GALNT17: variants seen among roughly 807,000 people sequenced by gnomAD.
GALNT17 encodes polypeptide N-acetylgalactosaminyltransferase 17.
In GALNT17, 29 loss-of-function variants were observed where a neutral mutation model predicts 63.7. The ratio of observed to expected loss-of-function variants is 0.46; its 90% CI spans 0.34 to 0.62. The LOEUF (loss-of-function observed/expected upper bound fraction) is 0.62, where lower values mean the gene tolerates loss of function less well. Among genes scored for constraint, GALNT17 ranks in the 20% least tolerant of loss-of-function variants. The pLI is 0.01. For missense variants in GALNT17, 603 were observed against 799.6 expected, an observed-to-expected ratio of 0.75 and a Z score of 2.97; for synonymous variants, 305 against 318.3, an observed-to-expected ratio of 0.96 and a Z score of 0.45.
At chr7:71,200,350 G>A (rs1448768560) in intron 1 of GALNT17, among the ~76,000 whole-genome samples, 1 of 152,148 alleles carries the variant, frequency 6.6e-6, no homozygotes, top group Non-Finnish European at 1.5e-5. Context: ...CCATTAGAGA[G>A]CACCCATGTA....
chr7:71,546,537 T>G (rs1365021779), intron 5 of GALNT17, among the ~76,000 whole-genome samples: 2 of 152,196 alleles, frequency 1.3e-5, no homozygotes, highest in African/African-American at 4.8e-5. Context: ...GAGTAGATTT[T>G]CTGAATGCAA....
intron 6 of GALNT17, among the ~76,000 whole-genome samples, chr7:71,661,289 T>C (rs1168605908): frequency 6.6e-6 from 1 of 152,182 alleles, no homozygotes; most frequent in East Asian, 1.9e-4. Context: ...ACTGTGGGGT[T>C]ATGAACCACT....
At chr7:71,414,649 C>G (rs1407290118) in intron 3 of GALNT17, among the ~76,000 whole-genome samples, 1 of 152,204 alleles carries the variant, frequency 6.6e-6, no homozygotes, top group Non-Finnish European at 1.5e-5. Flanking sequence ...AGCTGACATC[C>G]TGTTCCTGGG....
At chr7:71,627,028 G>A (rs1274651970) in intron 6 of GALNT17, among the ~76,000 whole-genome samples, 1 of 152,176 alleles carries the variant, frequency 6.6e-6, no homozygotes, top group African/African-American at 2.4e-5. Context: ...CATGAATTAA[G>A]AAAACCTCAG....
chr7:71,549,104 A>G (rs934625238), intron 5 of GALNT17, among the ~76,000 whole-genome samples: 5 of 152,162 alleles, frequency 3.3e-5, no homozygotes, highest in African/African-American at 1.2e-4. Context: ...TCAGGAGGGA[A>G]GGGATGATAG....
chr7:71,144,395 C>T (rs1787976348), intron 1 of GALNT17, among the ~76,000 whole-genome samples: 1 of 152,126 alleles, frequency 6.6e-6, no homozygotes, highest in African/African-American at 2.4e-5. Flanking sequence ...TCAGCATGTC[C>T]AGAACCTGAT....
chr7:71,218,772 T>C lies in GALNT17; in HGVS notation c.238+85732T>C, dbSNP rs1253921654. 3.3e-5 allele frequency among the ~76,000 whole-genome samples: 5 copies of C among 152,036 alleles called. No homozygotes were observed. In the East Asian group the frequency reaches 9.6e-4, roughly 29 times the overall value. ...TTGTGAACTGTGCATGTGAGGGATC[T>C]AGGATGAGTGCTTCTTATGAGAATC... On this transcript the variant is annotated intron_variant, in intron 1 of 10. Transcript: ENST00000333538.
intron 1 of GALNT17, among the ~76,000 whole-genome samples, chr7:71,316,089 T>C (rs1791493402): frequency 6.6e-6 from 1 of 152,046 alleles, no homozygotes; most frequent in Non-Finnish European, 1.5e-5. Context: ...GTGCAACAGC[T>C]GGGGCCTCTG....
intron 1 of GALNT17, among the ~76,000 whole-genome samples, chr7:71,316,084 AC>A (rs2115970205): frequency 1.3e-5 from 2 of 152,210 alleles, no homozygotes; most frequent in East Asian, 3.9e-4. Context: ...GTCCAGTGCA[AC>A]AGCTGGGGCC....
At chr7:71,361,068 A>G (rs1367976926) in intron 2 of GALNT17, among the ~76,000 whole-genome samples, 4 of 152,228 alleles carry the variant, frequency 2.6e-5, no homozygotes, top group South Asian at 2.1e-4. Context: ...TTGAATAAAT[A>G]TGTAACTGAA....
chr7:71,713,231 TG>T lies in GALNT17; in HGVS notation c.*1087del. On this transcript the variant is annotated 3_prime_UTR_variant, in exon 11 of 11. Transcript: ENST00000333538. The stretch of plus-strand genomic sequence containing the variant: ...GTGGCAGGGTGTGTGTGTGTGTGTC[TG>T]GCTGTGCGTTCCGGAGTGTGTGACG... 2 of 153,306 alleles carry T rather than the reference TG, an allele frequency of 1.3e-5. No homozygotes were observed. Among genetic ancestry groups the T allele is most frequent in the Admixed American group, 1.3e-4 (2 of 15,308 alleles). 9.5% of individuals were successfully genotyped at this position (153,306 alleles called of 1,614,324 possible).
intron 5 of GALNT17, among the ~76,000 whole-genome samples, chr7:71,560,108 C>T (rs546018988): frequency 6.3e-5 from 9 of 143,214 alleles, no homozygotes; most frequent in Non-Finnish European, 4.5e-5. Context: ...GCAGGAGAAT[C>T]GCTTGAATCC....
At chr7:71,497,518 C>A (rs545114222) in intron 5 of GALNT17, among the ~76,000 whole-genome samples, 2 of 152,208 alleles carry the variant, frequency 1.3e-5, no homozygotes, top group East Asian at 3.9e-4. Context: ...ACTCTAATAC[C>A]CTCATTTTAA....
At chr7:71,621,552 T>TTG (rs1562713280) in intron 6 of GALNT17, among the ~76,000 whole-genome samples, 7 of 109,454 alleles carry the variant, frequency 6.4e-5, no homozygotes, top group Non-Finnish European at 1.2e-4. Context: ...GATTGATGGA[T>TTG]AGATGGATGG....
intron 5 of GALNT17, among the ~76,000 whole-genome samples, chr7:71,544,124 CTTTTTTTTTTTTTTTTT>C (rs60144462): frequency 8.3e-5 from 11 of 132,424 alleles, no homozygotes; most frequent in African/African-American, 2.9e-4. Flanking sequence ...TTTCTTTTTT[CTTTTTTTTTTTTTTTTT>C]TTTTTTGAGA....
intron 2 of GALNT17, among the ~76,000 whole-genome samples, chr7:71,350,573 C>G (rs139607538): frequency 1.2e-3 from 188 of 152,192 alleles, no homozygotes; most frequent in African/African-American, 4.4e-3. Flanking sequence ...AGTATAATGA[C>G]TATTTGCATA....
intron 4 of GALNT17, among the ~76,000 whole-genome samples, chr7:71,419,981 G>A (rs924547140): frequency 6.6e-6 from 1 of 152,192 alleles, no homozygotes; most frequent in Non-Finnish European, 1.5e-5. Context: ...TCGACTGTGT[G>A]TTCTCATTAT....
At chr7:71,625,583 G>A (rs1338822744) in intron 6 of GALNT17, among the ~76,000 whole-genome samples, 3 of 152,146 alleles carry the variant, frequency 2.0e-5, no homozygotes, top group Admixed American at 2.0e-4. Flanking sequence ...TGTAATGGAA[G>A]CCTGGGAAGG....
At chr7:71,547,006 T>G (rs1004890721) in intron 5 of GALNT17, among the ~76,000 whole-genome samples, 5 of 152,066 alleles carry the variant, frequency 3.3e-5, no homozygotes, top group Admixed American at 3.3e-4. Context: ...TTCTTTTTTT[T>G]CTTGAGACAG....
Sources: gnomAD v4.1 joint callset for allele counts (sites outside exome capture counted in the v4.1 genomes callset) on GRCh38, gnomAD v4.1.1 for gene constraint, MANE v1.5 for transcripts, NCBI Gene and HGNC (gene_info 2026-07-23, HGNC 2026-07-21) for gene names.